The following PGAP1 variants were observed in gnomAD, a reference collection of about 807,000 sequenced individuals.
PGAP1 encodes post-GPI attachment to proteins inositol deacylase 1.
Under a neutral mutation model 127.0 loss-of-function variants are expected in PGAP1, and 76 were observed. The ratio of observed to expected loss-of-function variants is 0.60; its 90% CI spans 0.50 to 0.72. The LOEUF is 0.72. Among genes scored for constraint, PGAP1 ranks in the 30% least tolerant of loss-of-function variants. PGAP1 has a pLI of 0.00. For missense variants in PGAP1, 982 were observed against 1,071.3 expected (o/e 0.92, Z 1.16); for synonymous variants, 362 against 366.5 (o/e 0.99, Z 0.14).
Position 196,834,825 on chromosome 2 carries a change from C to T in PGAP1, c.*6409G>A, listed in dbSNP as rs939409951. On this transcript the variant is annotated 3_prime_UTR_variant, in exon 27 of 27. Coordinates refer to ENST00000354764, the MANE Select transcript of PGAP1 (RefSeq NM_024989.4). ...ACAATTATTCAACACAAAAGATGAA[C>T]TCATTTCAAAGAACAATGTAAACTG... 7 of 151,896 alleles carry T rather than the reference C, an allele frequency of 4.6e-5. No homozygotes were observed. Among genetic ancestry groups the T allele is most frequent in the African/African-American group, 1.7e-4 (7 of 41,434 alleles). The allele number at this position is 151,896 out of a possible 1,614,324, so 9.4% of individuals were successfully genotyped here.
intron 4 of PGAP1, among the ~76,000 whole-genome samples, chr2:196,905,749 G>A (rs9967775): frequency 8.9e-5 from 13 of 146,750 alleles, no homozygotes; most frequent in Non-Finnish European, 1.7e-4. Context: ...TGCGCGCACC[G>A]TGCGCGAGCC....
rs758937591 is a variant in PGAP1, at chr2:196,873,704, T to C, written c.1481A>G (p.Glu494Gly). The C allele has an allele frequency of 6.2e-7, 1 of 1,611,942 alleles. No homozygotes were observed. The highest frequency in any genetic ancestry group is 8.5e-7 in the Non-Finnish European group (1 of 1,178,276). ...AATTACCTGTCCAAAGTTCAGAAGC[T>C]CTAGATTGTAGTATAGGCCATTTGT... ...LNTNGLYYNL[E>G]LLNFGQIYQA... is the part of the protein sequence containing the mutation. Residue 494 changes from glutamate to glycine, a missense_variant, in exon 15 of 27, where the codon GAG becomes GGG. By Grantham distance (98) the Glu-to-Gly change is moderately conservative. Coordinates refer to ENST00000354764, the MANE Select transcript of PGAP1 (RefSeq NM_024989.4).
At chr2:196,848,153 T>C in intron 20 of PGAP1, 116 bp from the exon 21 acceptor site, 1 of 545,278 alleles carries the variant, frequency 1.8e-6, no homozygotes. Flanking sequence ...AGGGTCTTCA[T>C]TACTATCACA....
chr2:196,873,170 G>A, intron 16 of PGAP1, 144 bp from the exon 17 acceptor site: 1 of 448,878 alleles, frequency 2.2e-6, no homozygotes, highest in Non-Finnish European at 4.0e-6. Context: ...AAAAATTATG[G>A]CGAATTCCTA....
intron 12 of PGAP1, among the ~76,000 whole-genome samples, chr2:196,882,391 T>C (rs1243462654): frequency 1.3e-5 from 2 of 152,210 alleles, no homozygotes; most frequent in African/African-American, 2.4e-5. Flanking sequence ...GTGAAGAATG[T>C]CCATAGTAGT....
chr2:196,849,375 T>C (rs954832451), intron 20 of PGAP1, among the ~76,000 whole-genome samples: 6 of 151,358 alleles, frequency 4.0e-5, no homozygotes, highest in African/African-American at 1.5e-4. Context: ...GCCATTCTCC[T>C]GCCTCAGCCT....
Position 196,926,592 on chromosome 2 carries a change from A to G in PGAP1, c.25T>C (p.Trp9Arg). The change falls in exon 1 of 27, where the codon TGG becomes CGG. Residue 9 changes from tryptophan to arginine, a missense_variant. Physicochemically the swap from Trp to Arg is moderately radical, Grantham distance 101. Coordinates refer to ENST00000354764, the MANE Select transcript of PGAP1 (RefSeq NM_024989.4). Reference sequence around the variant, plus strand: ...ATGAAGACATAAAACGCCAGGTTCCAGAGATTAACTGAGTGAAGAAACATG... The same window carrying G: ...ATGAAGACATAAAACGCCAGGTTCCGGAGATTAACTGAGTGAAGAAACATG... MFLHSVNL[W>R]NLAFYVFMVF... 1.2e-6 allele frequency: 2 copies of G among 1,614,246 alleles called. No individual in the cohort carries two copies. The highest frequency in any genetic ancestry group is 1.7e-6 in the Non-Finnish European group (2 of 1,180,032).
At position 196,856,251 on chromosome 2, in the gene PGAP1, A is replaced by G. The variant is rs182602139; in HGVS notation, c.1862-8214T>C. Among the ~76,000 whole-genome samples the G allele has an allele frequency of 3.8e-3, 579 of 152,204 alleles. 6 individuals are homozygous for G. The highest frequency in any genetic ancestry group is 0.013 in the African/African-American group (554 of 41,520). On this transcript the variant is annotated intron_variant, in intron 20 of 26. Coordinates refer to ENST00000354764, the MANE Select transcript of PGAP1 (RefSeq NM_024989.4). ...AAGCTGGTCTCAAACTCCTGACCTC[A>G]GGTCATCAACCTGCCTCAGCCTCCC...
rs1700355350 is a variant in PGAP1 at position 196,839,840 on chromosome 2, G to A, written c.*1394C>T. ...CGAGGACATCCCTGGGTACTAACAA[G>A]GATACATATTCACAAGTGCAATGGT... is the stretch of plus-strand genomic sequence containing the variant. On this transcript the variant is annotated 3_prime_UTR_variant, in exon 27 of 27. Coordinates refer to ENST00000354764, the MANE Select transcript of PGAP1 (RefSeq NM_024989.4). The A allele has an allele frequency of 6.6e-6, 1 of 152,132 alleles. No individual in the cohort carries two copies. Among genetic ancestry groups the A allele is most frequent in the African/African-American group, 2.4e-5 (1 of 41,434 alleles). 9.4% of individuals were successfully genotyped at this position (152,132 alleles called of 1,614,324 possible). A position where few individuals can be genotyped will look rare whatever the true frequency, so the allele number is the denominator to read the frequency against.
At chr2:196,905,092 T>A (rs1702650232) in intron 4 of PGAP1, among the ~76,000 whole-genome samples, 1 of 152,170 alleles carries the variant, frequency 6.6e-6, no homozygotes, top group African/African-American at 2.4e-5. Flanking sequence ...ACCCTAAGAA[T>A]CACTTTCAGC....
In PGAP1 at chr2:196,869,396, C is replaced by T. The variant is rs541146431; in HGVS notation, c.1767+1545G>A. The stretch of plus-strand genomic sequence containing the variant: ...TGTTGCCCAGGCTGGAGTGCAGTGG[C>T]GCGATCTCTGCTCACTGCAAGCTCC... On this transcript the variant is annotated intron_variant, in intron 19 of 26. Transcript: ENST00000354764. 5.9e-5 allele frequency among the ~76,000 whole-genome samples: 9 copies of T among 152,130 alleles called. No homozygotes were observed. In the East Asian group the frequency reaches 1.2e-3, roughly 20 times the overall value.
At chr2:196,925,478 G>T (rs1025802419) in intron 1 of PGAP1, among the ~76,000 whole-genome samples, 1 of 152,198 alleles carries the variant, frequency 6.6e-6, no homozygotes, top group Non-Finnish European at 1.5e-5. Flanking sequence ...ATAATTAAGA[G>T]ATGCACTTAG....
Position 196,839,971 on chromosome 2 carries a change from G to A in PGAP1, c.*1263C>T, listed in dbSNP as rs1243952732. The stretch of plus-strand genomic sequence containing the variant: ...CACATCTAGAAGAACTCTATAAGCC[G>A]GGTATGTCTCAGCCTGAGTTTACGC... On this transcript the variant is annotated 3_prime_UTR_variant, in exon 27 of 27. Transcript: ENST00000354764. The A allele has an allele frequency of 3.3e-5, 5 of 152,120 alleles. No individual in the cohort carries two copies. Among genetic ancestry groups the A allele is most frequent in the African/African-American group, 9.7e-5 (4 of 41,430 alleles). 9.4% of individuals were successfully genotyped at this position (152,120 alleles called of 1,614,324 possible).
At chr2:196,884,509 A>G (rs923980726) in intron 12 of PGAP1, among the ~76,000 whole-genome samples, 2 of 152,200 alleles carry the variant, frequency 1.3e-5, no homozygotes, top group Admixed American at 6.5e-5. Flanking sequence ...GTGACTTGCA[A>G]TTATTTCTTC....
At chr2:196,922,037 T>C (rs1419347031) in intron 1 of PGAP1, 2 of 695,092 alleles carry the variant, frequency 2.9e-6, no homozygotes, top group Admixed American at 5.3e-5. Context: ...GACTCCAATA[T>C]AAATTTTTTA....
chr2:196,898,897 C>T (rs1319505257), intron 5 of PGAP1, among the ~76,000 whole-genome samples: 1 of 151,670 alleles, frequency 6.6e-6, no homozygotes, highest in East Asian at 1.9e-4. Context: ...ATCTGACTTT[C>T]CCAAGCGGGG....
chr2:196,851,441 C>T (rs973120570), intron 20 of PGAP1, among the ~76,000 whole-genome samples: 2 of 152,130 alleles, frequency 1.3e-5, no homozygotes, highest in African/African-American at 2.4e-5. Context: ...TGTAATCCTC[C>T]TCATTTTTTC....
rs1376737496 is a variant in PGAP1, at chr2:196,847,046, C to T, written c.2107G>A (p.Ala703Thr). 7 of 1,613,528 alleles carry T rather than the reference C, an allele frequency of 4.3e-6. No homozygotes were observed. Among genetic ancestry groups the T allele is most frequent in the Admixed American group, 3.3e-5 (2 of 59,970 alleles). The change falls in exon 22 of 27, where the codon GCA becomes ACA. Residue 703 changes from alanine (A) to threonine (T), a missense_variant. Ala to Thr is a moderately conservative substitution (Grantham distance 58, BLOSUM62 0). Transcript: ENST00000354764. ...TAYWSGLLSSASVRLLSSLWL... is the reference protein window; with the variant it reads ...TAYWSGLLSSTSVRLLSSLWL... Reference sequence around the variant, plus strand: ...AATGAAGAAAGAAGTCTCACAGATGCAGAAGACAGTAGGCCACTCCAGTAG... The same window carrying T: ...AATGAAGAAAGAAGTCTCACAGATGTAGAAGACAGTAGGCCACTCCAGTAG...
chr2:196,905,217 G>A (rs139115101), intron 4 of PGAP1, among the ~76,000 whole-genome samples: 32 of 152,094 alleles, frequency 2.1e-4, no homozygotes, highest in African/African-American at 7.2e-4. Flanking sequence ...TAATCTATAC[G>A]GGTCATCTAC....
Sources: allele counts gnomAD v4.1 joint callset (sites outside exome capture counted in the v4.1 genomes callset), GRCh38; gene constraint gnomAD v4.1.1; transcripts MANE v1.5; gene names NCBI Gene and HGNC (gene_info 2026-07-23, HGNC 2026-07-21).